Variants in GRM8 observed in about 807,000 individuals in gnomAD.
GRM8 encodes metabotropic glutamate receptor 8.
In GRM8, 47 loss-of-function variants were observed where a neutral mutation model predicts 87.2. The observed-to-expected ratio is 0.54, with a 90% CI of 0.43 to 0.69. GRM8 has a LOEUF of 0.69. GRM8 is among the 30% of genes least tolerant of loss of function. The probability of loss-of-function intolerance (pLI) is 0.00; values close to 1 mark genes in which losing one functional copy is unlikely to be tolerated. For synonymous variants in GRM8, 396 were observed against 404.5 expected, an observed-to-expected ratio of 0.98 and a Z score of 0.25; for missense variants, 1,019 against 1,139.2, an observed-to-expected ratio of 0.89 and a Z score of 1.52.
At chr7:127,116,647 A>G (rs1009047972) in intron 2 of GRM8, among the ~76,000 whole-genome samples, 3 of 152,220 alleles carry the variant, frequency 2.0e-5, no homozygotes, top group African/African-American at 7.2e-5. Context: ...TTAAGTTGAC[A>G]CATTGAAAAA....
chr7:126,505,389 C>T (rs1157958675), intron 9 of GRM8, among the ~76,000 whole-genome samples: 1 of 151,966 alleles, frequency 6.6e-6, no homozygotes, highest in African/African-American at 2.4e-5. Context: ...AAGTGTTTTG[C>T]CCCCATTTAC....
At chr7:126,523,596 CAA>C (rs1191916765) in intron 9 of GRM8, among the ~76,000 whole-genome samples, 1 of 151,572 alleles carries the variant, frequency 6.6e-6, no homozygotes, top group African/African-American at 2.4e-5. Flanking sequence ...CTCCCAGGTT[CAA>C]GTTATTCTCC....
intron 6 of GRM8, among the ~76,000 whole-genome samples, chr7:126,806,004 T>C (rs147018837): frequency 2.0e-3 from 303 of 152,276 alleles, no homozygotes; most frequent in African/African-American, 7.2e-3. Flanking sequence ...TTTGCTTTGA[T>C]TCAGACAAGA....
intron 6 of GRM8, among the ~76,000 whole-genome samples, chr7:126,778,754 A>T (rs1475629811): frequency 6.6e-6 from 1 of 152,102 alleles, no homozygotes; most frequent in Non-Finnish European, 1.5e-5. Flanking sequence ...AGCAGAAAGG[A>T]CTTCTAATGC....
chr7:126,714,957 T>C (rs914368182), intron 7 of GRM8, among the ~76,000 whole-genome samples: 5 of 152,192 alleles, frequency 3.3e-5, no homozygotes, highest in African/African-American at 1.2e-4. Flanking sequence ...CATAAGTGTA[T>C]GTCATCTGTT....
chr7:126,784,533 G>A (rs1170909102), intron 6 of GRM8, among the ~76,000 whole-genome samples: 1 of 152,158 alleles, frequency 6.6e-6, no homozygotes, highest in Admixed American at 6.6e-5. Flanking sequence ...CAAGGACTTG[G>A]AGAGAAAACA....
intron 3 of GRM8, among the ~76,000 whole-genome samples, chr7:126,907,200 TGGAA>T (rs1802781043): frequency 7.5e-6 from 1 of 133,438 alleles, no homozygotes; most frequent in South Asian, 2.4e-4. Flanking sequence ...GAGGAGCAGA[TGGAA>T]GGAGGAGGAA....
At chr7:126,903,731 A>ATG (rs879860808) in intron 5 of GRM8, among the ~76,000 whole-genome samples, 4 of 132,036 alleles carry the variant, frequency 3.0e-5, no homozygotes, top group African/African-American at 1.1e-4. Context: ...ATATATGTAT[A>ATG]TGTGTATATA....
At chr7:126,803,563 C>G (rs1218771433) in intron 6 of GRM8, among the ~76,000 whole-genome samples, 1 of 152,190 alleles carries the variant, frequency 6.6e-6, no homozygotes, top group Non-Finnish European at 1.5e-5. Context: ...ATTCTATAAT[C>G]AGAGCTTACA....
intron 6 of GRM8, among the ~76,000 whole-genome samples, chr7:126,798,692 G>T (rs533945231): frequency 6.6e-6 from 1 of 152,254 alleles, no homozygotes; most frequent in South Asian, 2.1e-4. Context: ...TCAACAAGAC[G>T]TTTTACTAAA....
In GRM8 at chr7:126,965,120, G is replaced by C. The variant is rs532003802; in HGVS notation, c.728-60437C>G. 3.3e-5 allele frequency among the ~76,000 whole-genome samples: 5 copies of C among 152,178 alleles called. No individual in the cohort carries two copies. In the East Asian group the frequency reaches 9.6e-4, roughly 29 times the overall value. ...GGGAGTAGAACAATGAGAACACATG[G>C]ACACAGGGTGGGGGAATATCACATA... is the stretch of plus-strand genomic sequence containing the variant. On this transcript the variant is annotated intron_variant, in intron 3 of 10. Transcript: ENST00000339582.
chr7:126,671,732 G>C (rs1347638356), intron 7 of GRM8, among the ~76,000 whole-genome samples: 1 of 152,152 alleles, frequency 6.6e-6, no homozygotes, highest in East Asian at 1.9e-4. Context: ...CCATAACCCA[G>C]AGGTTTCCTT....
At chr7:126,669,780 G>T (rs1328027656) in intron 7 of GRM8, among the ~76,000 whole-genome samples, 1 of 152,028 alleles carries the variant, frequency 6.6e-6, no homozygotes, top group Non-Finnish European at 1.5e-5. Flanking sequence ...ACATGCAAGG[G>T]GTATAAGAAC....
chr7:126,754,083 A>C lies in GRM8; in HGVS notation c.1357+15782T>G, dbSNP rs371154043. Among the ~76,000 whole-genome samples, 23 of 152,012 alleles carry C rather than the reference A, an allele frequency of 1.5e-4. No individual in the cohort carries two copies. The South Asian group carries it at 4.6e-3, about 30-fold the overall frequency. On this transcript the variant is annotated intron_variant, in intron 7 of 10. Transcript: ENST00000339582. The stretch of plus-strand genomic sequence containing the variant: ...TTCCTAATTCAAACCAAACATTAGA[A>C]ATGGATAGGCTAATCAGGTATTATT...
In GRM8 at chr7:126,872,834, G is replaced by A. The variant is rs892566740; in HGVS notation, c.1156+29708C>T. Among the ~76,000 whole-genome samples the A allele has an allele frequency of 4.6e-5, 7 of 152,064 alleles. No individual in the cohort carries two copies. The East Asian group carries it at 1.2e-3, about 25-fold the overall frequency. ...CATCGAAGAAAATAAACTCATTTGA[G>A]CCGCTCTTTAATTTTTAAAATGAAA... On this transcript the variant is annotated intron_variant, in intron 6 of 10. Transcript: ENST00000339582.
rs912486159 is a variant in GRM8 at position 126,795,770 on chromosome 7, A to T, written c.1157-25705T>A. Reference sequence around the variant, plus strand: ...TAAACGCAGGCACAAAATCATCCACAGTTTTACACAGTAAGGGAGAAGATT... The same window carrying T: ...TAAACGCAGGCACAAAATCATCCACTGTTTTACACAGTAAGGGAGAAGATT... On this transcript the variant is annotated intron_variant, in intron 6 of 10. Transcript: ENST00000339582. Among the ~76,000 whole-genome samples, 7 of 152,198 alleles carry T rather than the reference A, an allele frequency of 4.6e-5. No homozygotes were observed. The East Asian group carries it at 1.4e-3, about 29-fold the overall frequency.
chr7:127,223,429 CCACACACACACACGCA>C (rs995010274), intron 2 of GRM8, among the ~76,000 whole-genome samples: 1 of 138,772 alleles, frequency 7.2e-6, no homozygotes, highest in African/African-American at 2.8e-5. Flanking sequence ...TCGAAACACA[CCACACACACACACGCA>C]CACACACACA....
Position 126,905,155 on chromosome 7 carries a change from G to A in GRM8, c.728-472C>T, listed in dbSNP as rs541939791. Among the ~76,000 whole-genome samples, 121 of 152,242 alleles carry A rather than the reference G, an allele frequency of 7.9e-4. 1 individual carries two copies. The South Asian group carries it at 0.023, about 29-fold the overall frequency. On this transcript the variant is annotated intron_variant, in intron 3 of 10. Transcript: ENST00000339582. ...ATTTCATTGTATAGCTAATAGAACT[G>A]CAGCAAGATCCTCATGCATCAGCAT...
intron 9 of GRM8, among the ~76,000 whole-genome samples, chr7:126,503,865 C>G (rs1421217674): frequency 6.6e-6 from 1 of 152,014 alleles, no homozygotes; most frequent in East Asian, 1.9e-4. Flanking sequence ...CTGTTTGATT[C>G]TCTAGCTCTC....
Sources: gnomAD v4.1 joint callset for allele counts (sites outside exome capture counted in the v4.1 genomes callset) on GRCh38, gnomAD v4.1.1 for gene constraint, MANE v1.5 for transcripts, NCBI Gene and HGNC (gene_info 2026-07-23, HGNC 2026-07-21) for gene names.